The following USP9X variants were observed in gnomAD, a reference collection of about 807,000 sequenced individuals.
USP9X encodes the protein ubiquitin specific peptidase 9 X-linked, also known as ubiquitin carboxyl-terminal hydrolase 9X.
In USP9X, 7 loss-of-function variants were observed where a neutral mutation model predicts 190.3. The ratio of observed to expected loss-of-function variants is 0.04; its 90% confidence interval spans 0.02 to 0.07. The LOEUF (loss-of-function observed/expected upper bound fraction) is 0.07. Among genes scored for constraint, USP9X ranks in the 10% least tolerant of loss-of-function variants. USP9X has a pLI of 1.00. For missense variants in USP9X, 1,010 were observed against 1,916.9 expected, an observed-to-expected ratio of 0.53 and a Z score of 8.83; for synonymous variants, 645 against 659.5, an observed-to-expected ratio of 0.98 and a Z score of 0.34.
At chrX:41,172,929 AC>A (rs1321310892) in intron 21 of USP9X, among the ~76,000 whole-genome samples, 2 of 111,356 alleles carry the variant, frequency 1.8e-5, no homozygotes, top group East Asian at 2.8e-4. Context: ...TTTTATCCTT[AC>A]GTTTTGAAAT....
intron 39 of USP9X, among the ~76,000 whole-genome samples, chrX:41,224,030 T>C (rs1449431914): frequency 9.1e-6 from 1 of 109,871 alleles, no homozygotes; most frequent in Non-Finnish European, 1.9e-5. Context: ...CGAGACTTCA[T>C]CTCTACTAAA....
At chrX:41,086,553 C>T (rs897104913) in intron 1 of USP9X, among the ~76,000 whole-genome samples, 8 of 112,200 alleles carry the variant, frequency 7.1e-5, no homozygotes, top group African/African-American at 2.6e-4. Flanking sequence ...AACGCCATTA[C>T]TGAGGTGGAG....
chrX:41,211,826 C>A (rs1448183883), intron 33 of USP9X, among the ~76,000 whole-genome samples: 7 of 95,081 alleles, frequency 7.4e-5, no homozygotes, highest in Non-Finnish European at 1.5e-4. Context: ...CCGCCCCGTC[C>A]GGGAGGGAGG....
intron 14 of USP9X, among the ~76,000 whole-genome samples, chrX:41,159,486 GA>G (rs1423130612): frequency 9.0e-6 from 1 of 110,859 alleles, no homozygotes; most frequent in Non-Finnish European, 1.9e-5. Flanking sequence ...TGCTAAGTGG[GA>G]AAAAGTCTGT....
intron 1 of USP9X, among the ~76,000 whole-genome samples, chrX:41,108,273 G>A (rs2062084285): frequency 9.0e-6 from 1 of 111,658 alleles, no homozygotes; most frequent in African/African-American, 3.3e-5. Flanking sequence ...TGATCTCTCT[G>A]TTAAACCTCT....
rs1252496171 is a variant in USP9X, at chrX:41,225,146, T to C, written c.7061+9T>C. ...TCCTGGCAAACTCACAGGTGGATAC[T>C]CTTTTTGTGACTGGAAACAATTAGG... On this transcript the variant is annotated intron_variant, in intron 41 of 44. Transcript: ENST00000378308. 1.7e-6 allele frequency: 2 copies of C among 1,203,945 alleles called. No individual in the cohort carries two copies. The highest frequency in any genetic ancestry group is 2.2e-6 in the Non-Finnish European group (2 of 889,297).
At position 41,224,978 on chromosome X, in the gene USP9X, C is replaced by T. The variant is rs1181939579; in HGVS notation, c.6972+16C>T. The T allele has an allele frequency of 1.8e-5, 22 of 1,207,293 alleles. No individual in the cohort carries two copies. The highest frequency in any genetic ancestry group is 2.2e-5 in the Non-Finnish European group (20 of 892,502). On this transcript the variant is annotated intron_variant, in intron 40 of 44. Coordinates refer to ENST00000378308, the MANE Select transcript of USP9X (RefSeq NM_001039591.3). The stretch of plus-strand genomic sequence containing the variant: ...TCTCTGGCAGGTAAAAGGAAAATAA[C>T]ATTTGTATGTTTATAATTTGATTTG...
chrX:41,135,557 T>G (rs911316079), intron 5 of USP9X, among the ~76,000 whole-genome samples: 5 of 111,507 alleles, frequency 4.5e-5, no homozygotes, highest in Admixed American at 2.8e-4. Flanking sequence ...TCCAGAGATC[T>G]TAAAAAGTGA....
At position 41,150,923 on chromosome X, in the gene USP9X, C is replaced by G; in HGVS notation, c.1629C>G (p.Asp543Glu). Reference sequence around the variant, plus strand: ...AACATTGAAATCATTTGTTTAAGGACCGTGATACACAAAAGATCCAATGGA... The same window carrying G: ...AACATTGAAATCATTTGTTTAAGGAGCGTGATACACAAAAGATCCAATGGA... Reference protein sequence around the residue: ...IKILDYSCSQDRDTQKIQWID... With the variant: ...IKILDYSCSQERDTQKIQWID... The change falls in exon 13 of 45, where the codon GAC becomes GAG. Residue 543 changes from aspartate (D) to glutamate (E), a missense_variant and splice_region_variant. Asp to Glu is a conservative substitution (Grantham distance 45). Transcript: ENST00000378308. 1 of 1,202,000 alleles carries G rather than the reference C, an allele frequency of 8.3e-7. No individual in the cohort carries two copies. Among genetic ancestry groups the G allele is most frequent in the Admixed American group, 2.2e-5 (1 of 45,022 alleles).
intron 15 of USP9X, among the ~76,000 whole-genome samples, chrX:41,165,280 C>T (rs1418461080): frequency 1.8e-5 from 2 of 111,936 alleles, no homozygotes; most frequent in Non-Finnish European, 3.8e-5. Flanking sequence ...AATTGGAGTG[C>T]AGCGGCACAG....
chrX:41,211,180 C>G (rs2063154578), intron 33 of USP9X, among the ~76,000 whole-genome samples: 1 of 111,377 alleles, frequency 9.0e-6, no homozygotes, highest in Admixed American at 9.5e-5. Context: ...TTTTAGAGAT[C>G]GAATCTCTTG....
At chrX:41,124,000 G>A (rs753782944) in intron 2 of USP9X, among the ~76,000 whole-genome samples, 205 of 110,656 alleles carry the variant, frequency 1.9e-3, no homozygotes, top group African/African-American at 5.3e-3. Flanking sequence ...CTGAGATGGC[G>A]CCACCGTACT....
intron 21 of USP9X, among the ~76,000 whole-genome samples, chrX:41,175,211 G>C (rs1333754878): frequency 9.9e-5 from 11 of 111,532 alleles, no homozygotes; most frequent in Non-Finnish European, 2.1e-4. Flanking sequence ...GCACTTGTGT[G>C]CTCTTTGGCT....
At chrX:41,088,184 C>T (rs776584786) in intron 1 of USP9X, among the ~76,000 whole-genome samples, 1 of 111,881 alleles carries the variant, frequency 8.9e-6, no homozygotes, top group African/African-American at 3.2e-5. Context: ...GGGGTTTCAC[C>T]GTGTTAGCCA....
chrX:41,123,780 C>T, intron 2 of USP9X, 56 bp downstream of exon 2: 4 of 1,083,499 alleles, frequency 3.7e-6, no homozygotes, highest in Non-Finnish European at 5.0e-6. Flanking sequence ...CAGTGGTTCA[C>T]ATCTGTAATC....
Position 41,135,080 on chromosome X carries a change from C to T in USP9X, c.435+243C>T, listed in dbSNP as rs958814656. Among the ~76,000 whole-genome samples the T allele has an allele frequency of 2.7e-5, 3 of 111,868 alleles. No individual in the cohort carries two copies. In the Admixed American group the frequency reaches 2.8e-4, roughly 11 times the overall value. ...ATCTCTCCTCTGGGATCTCAAGTGT[C>T]TGTGACCTTAGGCAAGTCATCACAT... On this transcript the variant is annotated intron_variant, in intron 5 of 44. Coordinates refer to ENST00000378308, the MANE Select transcript of USP9X (RefSeq NM_001039591.3).
intron 1 of USP9X, among the ~76,000 whole-genome samples, chrX:41,115,829 A>C (rs778662781): frequency 2.1e-4 from 24 of 111,987 alleles, no homozygotes; most frequent in Middle Eastern, 4.6e-3. Flanking sequence ...CATATGTAGA[A>C]TCAGAGGATT....
At chrX:41,180,787 C>T (rs996007147) in intron 21 of USP9X, among the ~76,000 whole-genome samples, 4 of 112,053 alleles carry the variant, frequency 3.6e-5, no homozygotes, top group Non-Finnish European at 7.5e-5. Flanking sequence ...TCTTAGAGCT[C>T]CTGCTTCCTT....
At chrX:41,104,097 C>T (rs959008037) in intron 1 of USP9X, among the ~76,000 whole-genome samples, 3 of 111,712 alleles carry the variant, frequency 2.7e-5, no homozygotes, top group African/African-American at 9.8e-5. Context: ...GACAGGTTCT[C>T]GCTCTGTCAC....
Sources: allele counts gnomAD v4.1 joint callset (sites outside exome capture counted in the v4.1 genomes callset), GRCh38; gene constraint gnomAD v4.1.1; transcripts MANE v1.5; gene names NCBI Gene and HGNC (gene_info 2026-07-23, HGNC 2026-07-21).